The following DIAPH2 variants were observed in gnomAD, a reference collection of about 807,000 sequenced individuals.
The protein encoded by DIAPH2 is protein diaphanous homolog 2.
A neutral mutation model predicts 92.7 loss-of-function variants in DIAPH2; 35 were observed. The observed-to-expected ratio is 0.38, with a 90% CI of 0.29 to 0.50. The LOEUF (loss-of-function observed/expected upper bound fraction) is 0.50. DIAPH2 is among the 20% of genes least tolerant of loss of function. The pLI is 0.94. For missense variants in DIAPH2, 701 were observed against 819.5 expected (o/e 0.86, Z 1.77); for synonymous variants, 301 against 280.4 (o/e 1.07, Z -0.73).
chrX:97,278,056 G>C (rs1389912019), intron 23 of DIAPH2, among the ~76,000 whole-genome samples: 1 of 111,951 alleles, frequency 8.9e-6, no homozygotes, highest in East Asian at 2.8e-4. Flanking sequence ...ATGTTGGCTA[G>C]GGTGGTCTCA....
rs1489448648 is a variant in DIAPH2 at position 97,602,227 on chromosome X, T to C, written c.*2910T>C. ...ATGTCTGTCTCATGTGTAAAAGACA[T>C]TCATCCCATCCTAACATTACCAAAA... On this transcript the variant is annotated 3_prime_UTR_variant, in exon 27 of 27. Transcript: ENST00000324765. 1 of 112,404 alleles carries C rather than the reference T, an allele frequency of 8.9e-6. No homozygotes were observed. Among genetic ancestry groups the C allele is most frequent in the Non-Finnish European group, 1.9e-5 (1 of 53,266 alleles). 9.3% of individuals were successfully genotyped at this position (112,404 alleles called of 1,213,427 possible).
At chrX:96,806,081 C>T (rs770634710) in intron 4 of DIAPH2, among the ~76,000 whole-genome samples, 3 of 111,806 alleles carry the variant, frequency 2.7e-5, no homozygotes, top group East Asian at 5.6e-4. Flanking sequence ...ATTTGAATAG[C>T]GAGCTCTTAG....
intron 4 of DIAPH2, among the ~76,000 whole-genome samples, chrX:96,791,144 C>T (rs1312783786): frequency 1.8e-5 from 2 of 111,415 alleles, no homozygotes; most frequent in African/African-American, 6.5e-5. Flanking sequence ...ACTTATTTAG[C>T]ACTTAGTATA....
intron 26 of DIAPH2, among the ~76,000 whole-genome samples, chrX:97,465,067 G>A (rs750414756): frequency 4.5e-5 from 5 of 110,667 alleles, no homozygotes; most frequent in African/African-American, 9.9e-5. Flanking sequence ...GGCTGGTCTC[G>A]AACTCCTGAC....
intron 23 of DIAPH2, among the ~76,000 whole-genome samples, chrX:97,259,203 A>C (rs1157014447): frequency 9.3e-6 from 1 of 107,253 alleles, no homozygotes; most frequent in Non-Finnish European, 1.9e-5. Flanking sequence ...TAGTCTCATG[A>C]GTAGTCCCAG....
intron 3 of DIAPH2, among the ~76,000 whole-genome samples, chrX:96,747,999 A>C (rs2064160919): frequency 8.9e-6 from 1 of 111,909 alleles, no homozygotes; most frequent in South Asian, 3.8e-4. Context: ...GCATTTCTAG[A>C]CAACATGTTT....
intron 1 of DIAPH2, among the ~76,000 whole-genome samples, chrX:96,691,587 T>C (rs1812362719): frequency 8.9e-6 from 1 of 112,279 alleles, no homozygotes; most frequent in Non-Finnish European, 1.9e-5. Flanking sequence ...TTAACTGACT[T>C]TGTGTGAGGT....
intron 1 of DIAPH2, among the ~76,000 whole-genome samples, chrX:96,709,087 C>T (rs2063903437): frequency 1.8e-5 from 2 of 111,923 alleles, no homozygotes; most frequent in Admixed American, 9.5e-5. Flanking sequence ...CATATTTCTT[C>T]CCATAAATGG....
intron 17 of DIAPH2, among the ~76,000 whole-genome samples, chrX:97,059,957 G>C (rs2066585811): frequency 8.9e-6 from 1 of 112,307 alleles, no homozygotes; most frequent in South Asian, 3.7e-4. Flanking sequence ...TGGAATCTAT[G>C]TTTTTTAACT....
intron 1 of DIAPH2, among the ~76,000 whole-genome samples, chrX:96,689,232 T>C (rs1386074150): frequency 9.8e-6 from 1 of 101,941 alleles, no homozygotes; most frequent in East Asian, 3.0e-4. Context: ...GTAGACTTGC[T>C]AGAAAAGAGA....
At chrX:96,994,888 C>T (rs966034340) in intron 17 of DIAPH2, among the ~76,000 whole-genome samples, 1 of 110,951 alleles carries the variant, frequency 9.0e-6, no homozygotes, top group Non-Finnish European at 1.9e-5. Flanking sequence ...TCAGTTGACA[C>T]GTGGGGATTA....
intron 8 of DIAPH2, among the ~76,000 whole-genome samples, chrX:96,916,993 G>A (rs1409230735): frequency 9.0e-6 from 1 of 111,130 alleles, no homozygotes; most frequent in Admixed American, 9.6e-5. Flanking sequence ...TATATGCCAT[G>A]GTAAATGAAA....
At chrX:97,129,791 A>G (rs1264684281) in intron 21 of DIAPH2, among the ~76,000 whole-genome samples, 2 of 111,298 alleles carry the variant, frequency 1.8e-5, no homozygotes, top group East Asian at 5.6e-4. Flanking sequence ...TCACATAATC[A>G]AATAACACTA....
At chrX:97,364,108 T>A (rs1395444986) in intron 24 of DIAPH2, among the ~76,000 whole-genome samples, 1 of 112,098 alleles carries the variant, frequency 8.9e-6, no homozygotes, top group Non-Finnish European at 1.9e-5. Context: ...GAGGAAATAT[T>A]GGAGGGAAAG....
chrX:97,182,951 C>T (rs1474705731), intron 22 of DIAPH2, among the ~76,000 whole-genome samples: 1 of 110,547 alleles, frequency 9.0e-6, no homozygotes, highest in African/African-American at 3.3e-5. Flanking sequence ...AAAGAGATCA[C>T]TAGGGCAGAG....
At chrX:97,417,830 G>GT (rs908802972) in intron 25 of DIAPH2, among the ~76,000 whole-genome samples, 107 of 104,687 alleles carry the variant, frequency 1.0e-3, no homozygotes, top group Non-Finnish European at 1.5e-3. Context: ...TGTATACAAT[G>GT]TTTTTTTTTT....
At chrX:97,207,095 G>A (rs2067803286) in intron 22 of DIAPH2, among the ~76,000 whole-genome samples, 1 of 110,635 alleles carries the variant, frequency 9.0e-6, no homozygotes, top group South Asian at 3.8e-4. Context: ...TGGAATTTTG[G>A]CACTCTTTCT....
intron 19 of DIAPH2, among the ~76,000 whole-genome samples, chrX:97,086,100 T>C (rs994182879): frequency 8.9e-6 from 1 of 111,921 alleles, no homozygotes; most frequent in African/African-American, 3.2e-5. Flanking sequence ...TATCTTTTTT[T>C]TTCTTCTCTT....
At position 96,796,797 on chromosome X, in the gene DIAPH2, A is replaced by G. The variant is rs926936941; in HGVS notation, c.447+38539A>G. 9.0e-5 allele frequency among the ~76,000 whole-genome samples: 10 copies of G among 111,713 alleles called. No individual in the cohort carries two copies. The East Asian group carries it at 2.8e-3, about 31-fold the overall frequency. ...TATAGGTCTGACCATACATCATATT[A>G]ATTTTTTCTTTAAATAATTTGTTTT... On this transcript the variant is annotated intron_variant, in intron 4 of 26. Coordinates refer to ENST00000324765, the MANE Select transcript of DIAPH2 (RefSeq NM_006729.5).
Sources: gnomAD v4.1 joint callset for allele counts (sites outside exome capture counted in the v4.1 genomes callset) on GRCh38, gnomAD v4.1.1 for gene constraint, MANE v1.5 for transcripts, NCBI Gene and HGNC (gene_info 2026-07-23, HGNC 2026-07-21) for gene names.